BIRC2: variants seen among roughly 807,000 people sequenced by gnomAD.
The protein encoded by BIRC2 is baculoviral IAP repeat containing 2, also known as baculoviral IAP repeat-containing protein 2.
BIRC2 carries 18 observed loss-of-function variants against 60.9 expected under a neutral mutation model. That is an observed-to-expected ratio of 0.30 (90% CI 0.20 to 0.44). The LOEUF is 0.44. Among genes scored for constraint, BIRC2 ranks in the 20% least tolerant of loss-of-function variants. BIRC2 has a pLI of 1.00. For synonymous variants in BIRC2, 282 were observed against 247.7 expected (o/e 1.14, Z -1.30); for missense variants, 701 against 728.5 (o/e 0.96, Z 0.43).
intron 3 of BIRC2, 45 bp downstream of exon 3, chr11:102,350,988 A>C (rs1484523043): frequency 4.4e-6 from 7 of 1,578,168 alleles, no homozygotes; most frequent in Non-Finnish European, 6.1e-6. Flanking sequence ...CTCTGTGCTT[A>C]AAAGAAGTAG....
At chr11:102,377,397 A>G in intron 6 of BIRC2, 99 bp from the exon 7 acceptor site, 1 of 1,059,304 alleles carries the variant, frequency 9.4e-7, no homozygotes, top group Non-Finnish European at 1.3e-6. Flanking sequence ...AACTTTATTT[A>G]GTGCCTAAAT....
rs530079560 is a variant in BIRC2, at chr11:102,378,272, T to C, written c.*89T>C. On this transcript the variant is annotated 3_prime_UTR_variant, in exon 9 of 9. Transcript: ENST00000227758. ...GCCATCTAAAGTAAAAAGGGAATTA[T>C]GAGTTTTTCAATTAGTAACATTCAT... 11 of 1,095,544 alleles carry C rather than the reference T, an allele frequency of 1.0e-5. No individual in the cohort carries two copies. The highest frequency in any genetic ancestry group is 5.4e-5 in the East Asian group (2 of 36,946). 67.9% of individuals were successfully genotyped at this position (1,095,544 alleles called of 1,614,324 possible).
At chr11:102,363,749 A>G in intron 5 of BIRC2, 33 bp downstream of exon 5, 1 of 1,561,282 alleles carries the variant, frequency 6.4e-7, no homozygotes, top group South Asian at 1.1e-5. Flanking sequence ...TATAGAGTGT[A>G]AATTTTTATA....
intron 1 of BIRC2, chr11:102,347,889 C>T (rs1327173975): frequency 1.3e-5 from 2 of 152,230 alleles, no homozygotes; most frequent in Non-Finnish European, 2.9e-5. Context: ...ATCCTATCCC[C>T]TGCCCAGCTG....
At chr11:102,354,911 T>A (rs1003606649) in intron 3 of BIRC2, among the ~76,000 whole-genome samples, 1 of 151,600 alleles carries the variant, frequency 6.6e-6, no homozygotes, top group African/African-American at 2.4e-5. Context: ...TCTGTTCAGG[T>A]CCTTTGCCCG....
Position 102,378,024 on chromosome 11 carries a change from A to T in BIRC2, c.1698A>T (p.Gln566His). The change falls in exon 9 of 9, where the codon CAA (glutamine) becomes CAT (histidine). Residue 566 changes from glutamine (Q) to histidine (H), a missense_variant. Physicochemically the swap from Gln to His is conservative, Grantham distance 24. This residue lies in a region of BIRC2 where 52 missense variants were observed against 83.9 expected (regional missense o/e 0.62). Transcript: ENST00000227758. ...LSLEEQLRRL[Q>H]EERTCKVCMD... ...TGGAAGAACAATTGAGGAGGTTGCAAGAAGAACGAACTTGTAAAGTGTGTA... is the reference window on the plus strand; with the variant it reads ...TGGAAGAACAATTGAGGAGGTTGCATGAAGAACGAACTTGTAAAGTGTGTA... 1 of 1,611,966 alleles carries T rather than the reference A, an allele frequency of 6.2e-7. No individual in the cohort carries two copies. Among genetic ancestry groups the T allele is most frequent in the Non-Finnish European group, 8.5e-7 (1 of 1,179,280 alleles).
At chr11:102,369,324 C>G (rs1297020615) in intron 6 of BIRC2, among the ~76,000 whole-genome samples, 3 of 121,440 alleles carry the variant, frequency 2.5e-5, no homozygotes, top group Non-Finnish European at 5.1e-5. Context: ...CTCCCCCCAC[C>G]CCACCACAGT....
At chr11:102,355,118 C>T (rs1003658925) in intron 3 of BIRC2, among the ~76,000 whole-genome samples, 7 of 151,992 alleles carry the variant, frequency 4.6e-5, no homozygotes, top group African/African-American at 1.7e-4. Context: ...TTGTTGTAGT[C>T]GCAGTTTATT....
At chr11:102,364,692 G>T (rs749067131) in intron 5 of BIRC2, among the ~76,000 whole-genome samples, 1 of 152,196 alleles carries the variant, frequency 6.6e-6, no homozygotes. Context: ...TTGTTAACTG[G>T]ACCAGAGAAA....
chr11:102,372,641 C>T (rs1336357938), intron 6 of BIRC2, among the ~76,000 whole-genome samples: 2 of 141,358 alleles, frequency 1.4e-5, no homozygotes, highest in South Asian at 4.9e-4. Context: ...AATGTATATT[C>T]TGTTGATTTG....
rs199507990 is a variant in BIRC2 at position 102,377,610 on chromosome 11, A to T, written c.1481A>T (p.Asp494Val). The change falls in exon 7 of 9, where the codon GAT (aspartate) becomes GTT (valine). Residue 494 changes from aspartate (D) to valine (V), a missense_variant. By Grantham distance (152) the Asp-to-Val change is radical (BLOSUM62 -3). Transcript: ENST00000227758. The stretch of plus-strand genomic sequence containing the variant: ...AATGTAATTAATAAACAGGAACATG[A>T]TATTATTAAACAAAAAACACAGATA... ...KANVINKQEH[D>V]IIKQKTQIPL... 3 of 1,612,144 alleles carry T rather than the reference A, an allele frequency of 1.9e-6. No individual in the cohort carries two copies. In the East Asian group the frequency reaches 6.7e-5, roughly 36 times the overall value.
At chr11:102,368,176 A>G in intron 5 of BIRC2, 130 bp from the exon 6 acceptor site, 1 of 1,017,344 alleles carries the variant, frequency 9.8e-7, no homozygotes, top group South Asian at 1.6e-5. Context: ...GTTATAGGTA[A>G]TCGATGCATA....
At position 102,368,465 on chromosome 11, in the gene BIRC2, A is replaced by G. The variant is rs554624630; in HGVS notation, c.1283A>G (p.Asn428Ser). ...ACTGGAGAGAACTATAAAACAGTTA[A>G]TGATATTGTGTCAGCACTTCTTAAT... ...LTTGENYKTV[N>S]DIVSALLNAE... Residue 428 changes from asparagine to serine, a missense_variant, in exon 6 of 9, where the codon AAT (asparagine) becomes AGT (serine). Asn to Ser is a conservative substitution (Grantham distance 46). Around this residue, in one of 4 missense-constraint regions of BIRC2, gnomAD observed 235 missense variants for 208.9 expected, o/e 1.12. Transcript: ENST00000227758. 4 of 1,614,046 alleles carry G rather than the reference A, an allele frequency of 2.5e-6. No individual in the cohort carries two copies. The South Asian group carries it at 4.4e-5, about 18-fold the overall frequency.
In BIRC2 at chr11:102,374,738, G is replaced by A. The variant is rs571085393; in HGVS notation, c.1367-2758G>A. ...CTGCTTTGTTTACCTAATCAAGCCT[G>A]GGCAATGGCGGGCGCCCCTCCCCCA... On this transcript the variant is annotated intron_variant, in intron 6 of 8. Coordinates refer to ENST00000227758, the MANE Select transcript of BIRC2 (RefSeq NM_001166.5). Among the ~76,000 whole-genome samples the A allele has an allele frequency of 4.4e-4, 67 of 152,330 alleles. No homozygotes were observed. The South Asian group carries it at 0.014, about 31-fold the overall frequency.
intron 5 of BIRC2, among the ~76,000 whole-genome samples, chr11:102,368,075 A>G (rs1351049102): frequency 1.3e-5 from 2 of 152,246 alleles, no homozygotes; most frequent in African/African-American, 4.8e-5. Context: ...AAGTAAGTCT[A>G]GGATGTAGCC....
chr11:102,360,785 T>G (rs1320415887), intron 3 of BIRC2, among the ~76,000 whole-genome samples: 1 of 130,486 alleles, frequency 7.7e-6, no homozygotes, highest in Non-Finnish European at 1.8e-5. Context: ...GTTTTTTTTG[T>G]TTTTTTTTTT....
At chr11:102,370,133 G>T (rs111658762) in intron 6 of BIRC2, among the ~76,000 whole-genome samples, 7,813 of 149,618 alleles carry the variant, frequency 0.052, 226 homozygotes, top group Non-Finnish European at 0.068. Context: ...CACTCTGATG[G>T]TAGTTTCTTT....
chr11:102,369,083 A>T (rs1355040088), intron 6 of BIRC2, among the ~76,000 whole-genome samples: 1 of 152,078 alleles, frequency 6.6e-6, no homozygotes, highest in African/African-American at 2.4e-5. Flanking sequence ...ATTCGTCCAG[A>T]TAGTATTAAG....
Position 102,348,702 on chromosome 11 carries a change from T to C in BIRC2, c.-1153T>C, listed in dbSNP as rs915234480. The C allele has an allele frequency of 1.8e-5, 7 of 397,612 alleles. No homozygotes were observed. Among genetic ancestry groups the C allele is most frequent in the Non-Finnish European group, 3.4e-5 (7 of 203,140 alleles). 24.6% of individuals were successfully genotyped at this position (397,612 alleles called of 1,614,324 possible). A position where few individuals can be genotyped will look rare whatever the true frequency, so the allele number is the denominator to read the frequency against. Reference sequence around the variant, plus strand: ...TTATAAAGGGATATAGTTTGAATTCTATGGAGTGTAATTTTGTGTATGAAT... The same window carrying C: ...TTATAAAGGGATATAGTTTGAATTCCATGGAGTGTAATTTTGTGTATGAAT... On this transcript the variant is annotated 5_prime_UTR_variant, in exon 2 of 9. Coordinates refer to ENST00000227758, the MANE Select transcript of BIRC2 (RefSeq NM_001166.5).
Sources: allele counts gnomAD v4.1 joint callset (sites outside exome capture counted in the v4.1 genomes callset), GRCh38; gene constraint gnomAD v4.1.1; regional missense constraint gnomAD v4.1.1; transcripts MANE v1.5; gene names NCBI Gene and HGNC (gene_info 2026-07-23, HGNC 2026-07-21).